Variants in ATOSB observed in about 807,000 individuals in gnomAD.
The protein encoded by ATOSB is atos homolog B.
chr9:35,115,925 G>GT, the ATOSB span: 2 of 145,760 alleles, frequency 1.4e-5, no homozygotes, highest in Non-Finnish European at 3.0e-5. Flanking sequence ...CCCCGCCCCC[G>GT]CAACGCCCGG....
the ATOSB span, chr9:35,107,507 C>G: frequency 1.2e-6 from 2 of 1,605,690 alleles, no homozygotes; most frequent in Non-Finnish European, 1.7e-6. Context: ...GCCCCTCTTC[C>G]TCAGAGCTGA....
chr9:35,112,589 T>C, the ATOSB span, among the ~76,000 whole-genome samples: 1 of 152,334 alleles, frequency 6.6e-6, no homozygotes, highest in East Asian at 1.9e-4. Flanking sequence ...TTTGCAAGGA[T>C]TGAGCATTCA....
the ATOSB span, among the ~76,000 whole-genome samples, chr9:35,114,555 CCT>C: frequency 2.8e-4 from 42 of 152,340 alleles, no homozygotes; most frequent in African/African-American, 1.0e-3. Context: ...CATCAAATCC[CCT>C]CAGGGAAGCA....
At chr9:35,106,296 T>C in the ATOSB span, 1 of 1,614,098 alleles carries the variant, frequency 6.2e-7, no homozygotes, top group Non-Finnish European at 8.5e-7. The surrounding 1 kb of genome is among the most constrained non-coding windows in gnomAD (Gnocchi z 4.6). Context: ...TCAAAGAATG[T>C]GACAGTGACA....
At chr9:35,111,665 C>T in the ATOSB span, 1 of 152,148 alleles carries the variant, frequency 6.6e-6, no homozygotes, top group East Asian at 1.9e-4. Flanking sequence ...TCAGGCTACG[C>T]CCTCCCTGGA....
the ATOSB span, chr9:35,107,407 G>A: frequency 3.1e-6 from 5 of 1,613,738 alleles, no homozygotes; most frequent in Non-Finnish European, 4.2e-6. Flanking sequence ...GGCCCAGGCA[G>A]CAGGTGGCTC....
At chr9:35,105,801 G>A in the ATOSB span, 1 of 1,614,164 alleles carries the variant, frequency 6.2e-7, no homozygotes, top group Non-Finnish European at 8.5e-7. This position sits in a 1 kb window ranked among gnomAD's most constrained non-coding sequence, Gnocchi z 5.5. Context: ...GCATGTCCGA[G>A]AAGTCAAAGG....
At chr9:35,106,615 GCCC>G in the ATOSB span, 4 of 1,559,166 alleles carry the variant, frequency 2.6e-6, no homozygotes, top group Middle Eastern at 1.7e-4. The surrounding 1 kb of genome is among the most constrained non-coding windows in gnomAD (Gnocchi z 4.6). Flanking sequence ...AGCAGGCCTG[GCCC>G]CTTCCGGAGG....
chr9:35,107,870 A>G, the ATOSB span: 3 of 1,595,996 alleles, frequency 1.9e-6, no homozygotes, highest in Non-Finnish European at 2.6e-6. Flanking sequence ...CCGAAGTCCA[A>G]GATGAGGTGA....
the ATOSB span, chr9:35,105,070 C>T: frequency 1.2e-6 from 1 of 842,852 alleles, no homozygotes; most frequent in Non-Finnish European, 1.8e-6. The surrounding 1 kb of genome is among the most constrained non-coding windows in gnomAD (Gnocchi z 5.5). Context: ...GAATCAGAAG[C>T]TTTAAACACC....
chr9:35,113,629 AAAATAAAT>A, the ATOSB span, among the ~76,000 whole-genome samples: 73,956 of 142,210 alleles, frequency 0.52, 20,566 homozygotes, highest in Middle Eastern at 0.62. Flanking sequence ...CTCCGTCTCA[AAAATAAAT>A]AAATAAATAA....
the ATOSB span, chr9:35,106,761 G>A: frequency 4.7e-5 from 71 of 1,524,096 alleles, 1 homozygote; most frequent in East Asian, 9.6e-4. This position sits in a 1 kb window ranked among gnomAD's most constrained non-coding sequence, Gnocchi z 4.6. Flanking sequence ...TCCCCTACTC[G>A]GATGCTGGAA....
chr9:35,112,960 C>A, the ATOSB span, among the ~76,000 whole-genome samples: 1 of 152,156 alleles, frequency 6.6e-6, no homozygotes, highest in Non-Finnish European at 1.5e-5. Context: ...GCTCCCTTCT[C>A]CTTACCTCAC....
the ATOSB span, chr9:35,111,593 C>T: frequency 1.3e-5 from 2 of 152,012 alleles, no homozygotes; most frequent in Non-Finnish European, 2.9e-5. Flanking sequence ...GCTGATGGGG[C>T]CGCCCGCCCC....
chr9:35,106,366 C>A, the ATOSB span: 1 of 1,614,200 alleles, frequency 6.2e-7, no homozygotes, highest in Non-Finnish European at 8.5e-7. This position sits in a 1 kb window ranked among gnomAD's most constrained non-coding sequence, Gnocchi z 4.6. Flanking sequence ...CTGTGAAGCC[C>A]TCAATGTGGC....
the ATOSB span, chr9:35,115,848 G>A: frequency 6.6e-6 from 1 of 152,322 alleles, no homozygotes; most frequent in South Asian, 2.1e-4. Context: ...CGTGGTAGTG[G>A]TTGGGGCAGT....
At chr9:35,107,064 G>A in the ATOSB span, among the ~76,000 whole-genome samples, 2 of 152,146 alleles carry the variant, frequency 1.3e-5, no homozygotes, top group Non-Finnish European at 2.9e-5. Flanking sequence ...TTGAGCGCCT[G>A]TAATCACAAC....
chr9:35,113,789 A>G, the ATOSB span, among the ~76,000 whole-genome samples: 3 of 152,024 alleles, frequency 2.0e-5, no homozygotes, highest in African/African-American at 7.2e-5. Flanking sequence ...CCTTAATAGA[A>G]TGGAAGCTCC....
the ATOSB span, chr9:35,107,405 C>A: frequency 1.1e-5 from 18 of 1,613,064 alleles, no homozygotes; most frequent in Non-Finnish European, 1.5e-5. Flanking sequence ...TGGGCCCAGG[C>A]AGCAGGTGGC....
Sources: gnomAD v4.1 joint callset for allele counts (sites outside exome capture counted in the v4.1 genomes callset) on GRCh38, gnomAD v4.1.1 for gene constraint, Gnocchi (gnomAD v3.1) non-coding constraint, MANE v1.5 for transcripts, NCBI Gene and HGNC (gene_info 2026-07-23, HGNC 2026-07-21) for gene names.